Variants in MYLK3 observed in about 807,000 individuals in gnomAD.
The protein encoded by MYLK3 is MLC kinase.
Under a neutral mutation model 76.3 loss-of-function variants are expected in MYLK3, and 55 were observed. The observed-to-expected ratio is 0.72, with a 90% CI of 0.58 to 0.90. The LOEUF (loss-of-function observed/expected upper bound fraction) is 0.90, where lower values mean the gene tolerates loss of function less well. Among genes scored for constraint, MYLK3 ranks in the 40% least tolerant of loss-of-function variants. The pLI is 0.00. For synonymous variants in MYLK3, 416 were observed against 425.4 expected (o/e 0.98, Z 0.27); for missense variants, 973 against 1,053.6 (o/e 0.92, Z 1.06).
intron 7 of MYLK3, among the ~76,000 whole-genome samples, chr16:46,728,607 G>C (rs1312785453): frequency 1.3e-5 from 2 of 152,192 alleles, no homozygotes; most frequent in Non-Finnish European, 2.9e-5. Context: ...TGTGGTCACA[G>C]CTTCATGGGA....
intron 2 of MYLK3, among the ~76,000 whole-genome samples, chr16:46,739,676 C>T (rs557358542): frequency 6.6e-6 from 1 of 152,274 alleles, no homozygotes; most frequent in East Asian, 1.9e-4. Context: ...TTTTCTTTAG[C>T]TTACTCTAAG....
intron 10 of MYLK3, chr16:46,711,044 C>A: frequency 2.0e-6 from 1 of 488,538 alleles, no homozygotes. Context: ...CTTTCCACCT[C>A]ATTCCTGAAG....
intron 1 of MYLK3, among the ~76,000 whole-genome samples, chr16:46,744,330 CTTT>C (rs71158891): frequency 6.9e-5 from 3 of 43,688 alleles, no homozygotes; most frequent in African/African-American, 2.0e-4. Context: ...CCACACCCAG[CTTT>C]TTTTTTTTTT....
At chr16:46,736,946 T>TAGAACGAGA (rs1966871308) in intron 3 of MYLK3, among the ~76,000 whole-genome samples, 1 of 152,198 alleles carries the variant, frequency 6.6e-6, no homozygotes, top group Non-Finnish European at 1.5e-5. Flanking sequence ...GTCCTCAGGC[T>TAGAACGAGA]GCGTTCTAGG....
chr16:46,748,481 A>G (rs1035543372), upstream of MYLK3, among the ~76,000 whole-genome samples: 3 of 152,162 alleles, frequency 2.0e-5, no homozygotes, highest in Non-Finnish European at 2.9e-5. This position sits in a 1 kb window ranked among gnomAD's most constrained non-coding sequence, Gnocchi z 4.3. Flanking sequence ...GCAGCATTTA[A>G]CATTCCTCTC....
intron 1 of MYLK3, among the ~76,000 whole-genome samples, chr16:46,746,319 G>T (rs761707991): frequency 6.6e-6 from 1 of 152,060 alleles, no homozygotes; most frequent in Non-Finnish European, 1.5e-5. Context: ...TGCTCAGTAC[G>T]GACACACCAT....
At position 46,730,628 on chromosome 16, in the gene MYLK3, C is replaced by T. The variant is rs756004337; in HGVS notation, c.1533G>A (p.Ala511=). Residue 511 remains alanine (A), a synonymous_variant, in exon 5 of 13, where the codon GCG becomes GCA. Transcript: ENST00000394809. ...VVSVKETSIS[A]GYEVCQHEVL... is the part of the protein sequence containing the mutation. Reference sequence around the variant, plus strand: ...CTTCGTGCTGGCACACCTCGTAACCCGCAGAGATGGAGGTCTCCTTGACGC... The same window carrying T: ...CTTCGTGCTGGCACACCTCGTAACCTGCAGAGATGGAGGTCTCCTTGACGC... 11 of 1,613,978 alleles carry T rather than the reference C, an allele frequency of 6.8e-6. No homozygotes were observed. The African/African-American group carries it at 1.1e-4, about 16-fold the overall frequency.
At chr16:46,739,612 G>A (rs1274115237) in intron 2 of MYLK3, among the ~76,000 whole-genome samples, 1 of 151,892 alleles carries the variant, frequency 6.6e-6, no homozygotes, top group African/African-American at 2.4e-5. Context: ...CACTTCCACT[G>A]AATGAATAGG....
chr16:46,743,469 G>T (rs1469663030), intron 1 of MYLK3, among the ~76,000 whole-genome samples: 1 of 152,144 alleles, frequency 6.6e-6, no homozygotes, highest in African/African-American at 2.4e-5. Context: ...ACCTGCCCTG[G>T]CCTCAGAACA....
intron 6 of MYLK3, 63 bp from the exon 7 acceptor site, chr16:46,729,196 A>G (rs556682968): frequency 6.4e-6 from 8 of 1,248,754 alleles, no homozygotes; most frequent in Middle Eastern, 1.9e-4. Context: ...GAGCCAGCTG[A>G]CCTCCCAAGA....
intron 8 of MYLK3, among the ~76,000 whole-genome samples, chr16:46,725,302 C>G (rs532128700): frequency 1.3e-5 from 2 of 152,306 alleles, no homozygotes; most frequent in South Asian, 4.1e-4. Flanking sequence ...CTAGTGATAG[C>G]CTCCAGTAAA....
chr16:46,758,304 ACTCTCTCTCTCTCT>A lies in MYLK3; in HGVS notation c.-114+4722_-114+4735del, dbSNP rs3044832. On this transcript the variant is annotated intron_variant, in intron 1 of 11. Coordinates refer to the MYLK3 transcript ENST00000536476. ...CACACACACACACACACACACACAC[ACTCTCTCTCTCTCT>A]CTCTCTCTCTCTCTCTCTCTCTCTC... Among the ~76,000 whole-genome samples the A allele has an allele frequency of 1.5e-3, 131 of 87,300 alleles. 1 individual carries two copies. Among genetic ancestry groups the A allele is most frequent in the African/African-American group, 2.9e-3 (61 of 21,354 alleles). The allele number at this position is 87,300 out of a possible 152,430, so 57.3% of individuals were successfully genotyped here. A position where few individuals can be genotyped will look rare whatever the true frequency, so the allele number is the denominator to read the frequency against.
chr16:46,728,963 C>G, intron 7 of MYLK3, 61 bp downstream of exon 7: 4 of 1,276,224 alleles, frequency 3.1e-6, no homozygotes, highest in Non-Finnish European at 4.6e-6. Context: ...AATGAAGGCT[C>G]TAAGCCCCAG....
chr16:46,722,228 C>T (rs893411551), intron 8 of MYLK3, among the ~76,000 whole-genome samples: 2 of 152,082 alleles, frequency 1.3e-5, no homozygotes, highest in Non-Finnish European at 2.9e-5. Context: ...GACTTGCAGA[C>T]CCAGGGTCCA....
intron 1 of MYLK3, among the ~76,000 whole-genome samples, chr16:46,740,548 T>TAC (rs1199073634): frequency 9.8e-6 from 1 of 102,506 alleles, no homozygotes; most frequent in African/African-American, 3.6e-5. Flanking sequence ...TATATATATA[T>TAC]ATATTTTTTT....
At chr16:46,710,931 C>T in intron 10 of MYLK3, 142 bp from the exon 11 acceptor site, 1 of 889,552 alleles carries the variant, frequency 1.1e-6, no homozygotes, top group Admixed American at 2.1e-5. Flanking sequence ...ACTACTTCTC[C>T]ACAGGATGGA....
chr16:46,748,782 AC>A (rs1202166587), upstream of MYLK3, among the ~76,000 whole-genome samples: 1 of 152,204 alleles, frequency 6.6e-6, no homozygotes, highest in African/African-American at 2.4e-5. This position sits in a 1 kb window ranked among gnomAD's most constrained non-coding sequence, Gnocchi z 4.3. Flanking sequence ...CAAATTTAAA[AC>A]AAACTTCAGG....
chr16:46,731,203 A>G lies in MYLK3; in HGVS notation c.1463-505T>C, dbSNP rs191041538. On this transcript the variant is annotated intron_variant, in intron 4 of 12. Transcript: ENST00000394809. Reference sequence around the variant, plus strand: ...AGCCCAACCAGAAGCTCAGCATGACAGCCCGTGATGGAGCCAGAGGGGCAG... The same window carrying G: ...AGCCCAACCAGAAGCTCAGCATGACGGCCCGTGATGGAGCCAGAGGGGCAG... Among the ~76,000 whole-genome samples, 272 of 152,346 alleles carry G rather than the reference A, an allele frequency of 1.8e-3. 2 individuals carry two copies. Among genetic ancestry groups the G allele is most frequent in the African/African-American group, 6.2e-3 (259 of 41,580 alleles).
chr16:46,750,882 A>G (rs1310819179), upstream of MYLK3, among the ~76,000 whole-genome samples: 1 of 152,044 alleles, frequency 6.6e-6, no homozygotes, highest in Non-Finnish European at 1.5e-5. Context: ...AATCCCAGCT[A>G]CTTGGGAGGC....
Sources: gnomAD v4.1 joint callset for allele counts (sites outside exome capture counted in the v4.1 genomes callset) on GRCh38, gnomAD v4.1.1 for gene constraint, Gnocchi (gnomAD v3.1) non-coding constraint, MANE v1.5 for transcripts, NCBI Gene and HGNC (gene_info 2026-07-23, HGNC 2026-07-21) for gene names.